Variants in SCP2 observed in about 807,000 individuals in gnomAD.
SCP2 encodes sterol carrier protein 2.
In SCP2, 48 loss-of-function variants were observed where a neutral mutation model predicts 71.4. The observed-to-expected ratio is 0.67, with a 90% CI of 0.53 to 0.86. The LOEUF is 0.86. SCP2 is among the 40% of genes least tolerant of loss of function. The pLI, the probability that SCP2 is intolerant of heterozygous loss-of-function variation, is 0.00. For synonymous variants in SCP2, 220 were observed against 218.1 expected, an observed-to-expected ratio of 1.01 and a Z score of -0.08; for missense variants, 560 against 655.6, an observed-to-expected ratio of 0.85 and a Z score of 1.59.
chr1:53,001,964 C>A (rs573336634), intron 11 of SCP2, among the ~76,000 whole-genome samples: 1 of 152,268 alleles, frequency 6.6e-6, no homozygotes, highest in East Asian at 1.9e-4. Context: ...ATGGGTGGAT[C>A]ATGAGGTCAG....
intron 10 of SCP2, among the ~76,000 whole-genome samples, chr1:52,983,449 T>C (rs1658703114): frequency 6.6e-6 from 1 of 152,176 alleles, no homozygotes. Context: ...CTTCCAATGA[T>C]GCATATATTA....
chr1:52,957,156 C>T (rs918657280), intron 5 of SCP2, among the ~76,000 whole-genome samples: 1 of 152,204 alleles, frequency 6.6e-6, no homozygotes, highest in African/African-American at 2.4e-5. Context: ...GATCTACCCA[C>T]CTCGGCCTCC....
At chr1:52,930,175 C>G (rs953082104) in intron 1 of SCP2, among the ~76,000 whole-genome samples, 1 of 152,136 alleles carries the variant, frequency 6.6e-6, no homozygotes, top group Non-Finnish European at 1.5e-5. Flanking sequence ...TTTTCTAGTA[C>G]TTTTATGTAT....
In SCP2 at chr1:53,031,942, C is replaced by T. The variant is rs186849236; in HGVS notation, c.1338+3871C>T. Among the ~76,000 whole-genome samples the T allele has an allele frequency of 5.8e-3, 881 of 152,288 alleles. 8 individuals carry two copies. The highest frequency in any genetic ancestry group is 0.02 in the African/African-American group (833 of 41,548). ...GTAACTTGTTGGTGTCTGCACATAG[C>T]TGTATTCCTGAGGCACTGTGCAAGC... On this transcript the variant is annotated intron_variant, in intron 13 of 15. Transcript: ENST00000371514.
At chr1:53,034,488 T>A (rs1001482449) in intron 13 of SCP2, among the ~76,000 whole-genome samples, 2 of 151,874 alleles carry the variant, frequency 1.3e-5, no homozygotes, top group Admixed American at 6.6e-5. Flanking sequence ...TGGGTATGAG[T>A]TTCTTTTGGG....
At chr1:53,040,135 C>T (rs72903198) in intron 14 of SCP2, among the ~76,000 whole-genome samples, 14,981 of 152,180 alleles carry the variant, frequency 0.098, 1,462 homozygotes, top group African/African-American at 0.22. Context: ...TTGTTTTATC[C>T]GGTCTCCCCG....
rs1179544149 is a variant in SCP2, at chr1:52,980,547, A to G, written c.973+4A>G. 5 of 1,612,804 alleles carry G rather than the reference A, an allele frequency of 3.1e-6. No homozygotes were observed. The highest frequency in any genetic ancestry group is 3.4e-6 in the Non-Finnish European group (4 of 1,178,802). ...GCACTGGGACTCTGTCCAGAAGGTA[A>G]CATCTTTGAATAGGGCAGATTAATT... On this transcript the variant is annotated splice_donor_region_variant and intron_variant, in intron 10 of 15. Transcript: ENST00000371514.
At chr1:52,974,714 T>G in intron 6 of SCP2, 55 bp from the exon 7 acceptor site, 1 of 868,672 alleles carries the variant, frequency 1.2e-6, no homozygotes, top group East Asian at 2.4e-5. Context: ...GCAAGATTTG[T>G]TAATAAGCAG....
At position 52,950,827 on chromosome 1, in the gene SCP2, A is replaced by G. The variant is rs781668979; in HGVS notation, c.272A>G (p.Asn91Ser). 10 of 1,613,958 alleles carry G rather than the reference A, an allele frequency of 6.2e-6. No homozygotes were observed. In the East Asian group the frequency reaches 2.2e-4, roughly 36 times the overall value. The change falls in exon 4 of 16, where the codon AAC becomes AGC. Residue 91 changes from asparagine to serine, a missense_variant. Physicochemically the swap from Asn to Ser is conservative, Grantham distance 46. Transcript: ENST00000371514. ...GMTGIPIINV[N>S]NNCATGSTAL... The stretch of plus-strand genomic sequence containing the variant: ...ACTGGAATTCCTATAATCAATGTCA[A>G]CAATAACTGTGCTACTGGTTCTACT...
intron 14 of SCP2, among the ~76,000 whole-genome samples, chr1:53,046,563 T>C (rs1195670310): frequency 6.6e-6 from 1 of 152,178 alleles, no homozygotes; most frequent in Non-Finnish European, 1.5e-5. Flanking sequence ...TTTTATCTTT[T>C]CCTGTAATCC....
At position 52,927,411 on chromosome 1, in the gene SCP2, G is replaced by GTGGGAGCC; in HGVS notation, c.18_25dup (p.Ala9GlyfsTer16). The GTGGGAGCC allele has an allele frequency of 1.9e-6, 3 of 1,598,254 alleles. No homozygotes were observed. Among genetic ancestry groups the GTGGGAGCC allele is most frequent in the Non-Finnish European group, 1.7e-6 (2 of 1,173,540 alleles). ...CTGGTGCAGCCATGTCCTCTTCCCC[G>GTGGGAGCC]TGGGAGCCTGCGACCCTGCGCCGGG... On this transcript the variant is annotated frameshift_variant, in exon 1 of 16. Transcript: ENST00000371514. LOFTEE classifies it high-confidence loss of function.
At chr1:52,956,811 GAAAATTATTA>G (rs1655838539) in intron 5 of SCP2, among the ~76,000 whole-genome samples, 1 of 148,358 alleles carries the variant, frequency 6.7e-6, no homozygotes, top group South Asian at 2.2e-4. Flanking sequence ...ACTTTTATTT[GAAAATTATTA>G]AAAATTATAG....
chr1:52,976,760 T>G lies in SCP2; in HGVS notation c.665T>G (p.Leu222Ter). Residue 222 changes from leucine to a stop codon, truncating the protein, a stop_gained, in exon 8 of 16, where the codon TTA (leucine) becomes TGA (stop). Transcript: ENST00000371514. LOFTEE classifies it high-confidence loss of function. ...SKEVFDFLTI[L>*]QCCPTSDGAA... ...GAAGTTTTTGATTTTTTGACTATCT[T>G]ACAATGTTGGTAAGAAAAATATATT... is the stretch of plus-strand genomic sequence containing the variant. 1 of 1,450,836 alleles carries G rather than the reference T, an allele frequency of 6.9e-7. No homozygotes were observed. The highest frequency in any genetic ancestry group is 9.7e-7 in the Non-Finnish European group (1 of 1,031,794). The allele number at this position is 1,450,836 out of a possible 1,614,324, so 89.9% of individuals were successfully genotyped here. A position where few individuals can be genotyped will look rare whatever the true frequency, so the allele number is the denominator to read the frequency against.
chr1:52,975,203 T>C (rs966969861), intron 7 of SCP2, among the ~76,000 whole-genome samples: 4 of 151,076 alleles, frequency 2.6e-5, no homozygotes, highest in East Asian at 2.0e-4. Context: ...TTTTTTTAGA[T>C]GGCATCTCAC....
chr1:52,933,207 G>A lies in SCP2; in HGVS notation c.69+5742G>A, dbSNP rs34098904. ...TATCAAAGCCTACTTGAGTGATGCC[G>A]AAAGGATTCAGGAGCCAACCTGTAG... On this transcript the variant is annotated intron_variant, in intron 1 of 15. Transcript: ENST00000371514. Among the ~76,000 whole-genome samples, 13 of 152,286 alleles carry A rather than the reference G, an allele frequency of 8.5e-5. 1 individual carries two copies. The highest frequency in any genetic ancestry group is 4.1e-4 in the South Asian group (2 of 4,826).
intron 6 of SCP2, among the ~76,000 whole-genome samples, chr1:52,965,648 C>T (rs1418232366): frequency 1.3e-5 from 2 of 151,396 alleles, no homozygotes; most frequent in African/African-American, 4.9e-5. Context: ...TTTTTTTTTC[C>T]CCCCAACATG....
rs924809433 is a variant in SCP2 at position 52,927,335 on chromosome 1, C to T, written c.-62C>T. On this transcript the variant is annotated 5_prime_UTR_variant, in exon 1 of 16. Coordinates refer to ENST00000371514, the MANE Select transcript of SCP2 (RefSeq NM_002979.5). ...GGGCTTCAGGGAGCTCTGGTGCAGT[C>T]TCCGCCTGTCAGTGCCGGCAGTCGT... is the stretch of plus-strand genomic sequence containing the variant. The T allele has an allele frequency of 2.6e-5, 37 of 1,415,400 alleles. No homozygotes were observed. The African/African-American group carries it at 4.7e-4, about 18-fold the overall frequency. The allele number at this position is 1,415,400 out of a possible 1,614,324, so 87.7% of individuals were successfully genotyped here. A position where few individuals can be genotyped will look rare whatever the true frequency, so the allele number is the denominator to read the frequency against.
chr1:53,031,337 G>A (rs1482425615), intron 13 of SCP2, among the ~76,000 whole-genome samples: 16 of 152,074 alleles, frequency 1.1e-4, no homozygotes, highest in Admixed American at 8.5e-4. Flanking sequence ...TACCAACCTT[G>A]TTCCCTTGTT....
At chr1:53,016,142 G>T (rs11206071) in intron 12 of SCP2, among the ~76,000 whole-genome samples, 48,149 of 152,026 alleles carry the variant, frequency 0.32, 12,735 homozygotes, top group African/African-American at 0.72. Context: ...TTGAGTCTAT[G>T]TTATTCTTCT....
Sources: allele counts gnomAD v4.1 joint callset (sites outside exome capture counted in the v4.1 genomes callset), GRCh38; gene constraint gnomAD v4.1.1; transcripts MANE v1.5; gene names NCBI Gene and HGNC (gene_info 2026-07-23, HGNC 2026-07-21).